ADCY2: variants seen among roughly 807,000 people sequenced by gnomAD.
ADCY2 encodes adenylate cyclase 2.
A neutral mutation model predicts 125.2 loss-of-function variants in ADCY2; 31 were observed. That is an observed-to-expected ratio of 0.25 (90% confidence interval 0.19 to 0.33). The LOEUF is 0.33. Among genes scored for constraint, ADCY2 ranks in the 10% least tolerant of loss-of-function variants. The pLI is 1.00. For missense variants in ADCY2, 904 were observed against 1,418.2 expected, an observed-to-expected ratio of 0.64 and a Z score of 5.82; for synonymous variants, 512 against 548.4, an observed-to-expected ratio of 0.93 and a Z score of 0.93.
chr5:7,544,503 C>T (rs76604304), intron 3 of ADCY2, among the ~76,000 whole-genome samples: 127 of 152,280 alleles, frequency 8.3e-4, no homozygotes, highest in African/African-American at 2.9e-3. Flanking sequence ...CTCCATCTTA[C>T]GAGAACCCCT....
chr5:7,485,761 A>G (rs1313375028), intron 2 of ADCY2, among the ~76,000 whole-genome samples: 1 of 152,216 alleles, frequency 6.6e-6, no homozygotes, highest in African/African-American at 2.4e-5. Context: ...ATAAACTATG[A>G]TATAAAGTTT....
chr5:7,807,936 C>T (rs1308680527), intron 22 of ADCY2, among the ~76,000 whole-genome samples: 2 of 152,188 alleles, frequency 1.3e-5, no homozygotes, highest in Admixed American at 6.5e-5. Context: ...GTAGCAGCAC[C>T]ACCTGTGGTG....
intron 3 of ADCY2, among the ~76,000 whole-genome samples, chr5:7,617,585 C>T (rs535116660): frequency 2.6e-5 from 4 of 152,306 alleles, no homozygotes; most frequent in East Asian, 1.9e-4. Context: ...AAAGCAGCTG[C>T]AGTCTTGTCC....
At chr5:7,405,720 G>T (rs1422925588) in intron 1 of ADCY2, among the ~76,000 whole-genome samples, 1 of 152,212 alleles carries the variant, frequency 6.6e-6, no homozygotes, top group Non-Finnish European at 1.5e-5. Flanking sequence ...TTACACATGG[G>T]CATGATACAG....
At chr5:7,754,847 A>C (rs1742937504) in intron 15 of ADCY2, among the ~76,000 whole-genome samples, 1 of 152,100 alleles carries the variant, frequency 6.6e-6, no homozygotes, top group Admixed American at 6.5e-5. Flanking sequence ...GTGAGAGAGC[A>C]AGACTCCGTC....
At chr5:7,613,671 C>T (rs1223912712) in intron 3 of ADCY2, among the ~76,000 whole-genome samples, 1 of 152,234 alleles carries the variant, frequency 6.6e-6, no homozygotes. Context: ...ATTGAACTCA[C>T]TTTCCAGCTC....
chr5:7,784,774 A>G (rs1209850923), intron 19 of ADCY2, among the ~76,000 whole-genome samples: 13 of 104,492 alleles, frequency 1.2e-4, no homozygotes, highest in East Asian at 1.4e-3. Context: ...ACACTATTTG[A>G]AAAAAAAAAA....
chr5:7,720,697 T>G (rs1230253179), intron 12 of ADCY2, among the ~76,000 whole-genome samples: 1 of 152,212 alleles, frequency 6.6e-6, no homozygotes, highest in Non-Finnish European at 1.5e-5. Context: ...ATTTCCAGCT[T>G]CATCCATGTC....
intron 11 of ADCY2, among the ~76,000 whole-genome samples, chr5:7,716,727 C>T (rs1741603579): frequency 1.3e-5 from 2 of 152,204 alleles, no homozygotes; most frequent in Admixed American, 1.3e-4. Context: ...TTGGCATGTT[C>T]TCACTCATAT....
chr5:7,444,147 T>A (rs1201229508), intron 2 of ADCY2, among the ~76,000 whole-genome samples: 1 of 145,114 alleles, frequency 6.9e-6, no homozygotes, highest in African/African-American at 2.5e-5. Context: ...GGAGTCTCGC[T>A]CTGTCTCCCC....
At chr5:7,443,251 T>G (rs978996883) in intron 2 of ADCY2, among the ~76,000 whole-genome samples, 4 of 152,200 alleles carry the variant, frequency 2.6e-5, no homozygotes, top group African/African-American at 9.7e-5. Context: ...ATTTCTTATT[T>G]AAATTTAAAA....
intron 23 of ADCY2, among the ~76,000 whole-genome samples, chr5:7,817,773 T>A (rs368516460): frequency 2.4e-5 from 3 of 122,536 alleles, no homozygotes; most frequent in South Asian, 2.6e-4. Context: ...CAGCAAGCCA[T>A]AATAGTGCCA....
At chr5:7,519,436 T>C (rs1014585412) in intron 2 of ADCY2, among the ~76,000 whole-genome samples, 2 of 152,112 alleles carry the variant, frequency 1.3e-5, no homozygotes, top group Non-Finnish European at 2.9e-5. Context: ...TTTCCTTAGC[T>C]TCCCTTCTGC....
In ADCY2 at chr5:7,802,730, CTT is replaced by C. The variant is rs1744636630; in HGVS notation, c.2775+367_2775+368del. ...TAGACTATTGGTGTGTCTGTGCCTA[CTT>C]CAATGCCTTTGTCAGATATCAACTT... On this transcript the variant is annotated intron_variant, in intron 21 of 24. Transcript: ENST00000338316. This position sits in a 1 kb window ranked among gnomAD's most constrained non-coding sequence, Gnocchi z 4.6. Among the ~76,000 whole-genome samples, 2 of 152,192 alleles carry C rather than the reference CTT, an allele frequency of 1.3e-5. No individual in the cohort carries two copies. Among genetic ancestry groups the C allele is most frequent in the Non-Finnish European group, 2.9e-5 (2 of 68,036 alleles).
chr5:7,793,399 C>T lies in ADCY2; in HGVS notation c.2628+3599C>T, dbSNP rs978577218. Among the ~76,000 whole-genome samples the T allele has an allele frequency of 2.6e-5, 4 of 152,272 alleles. No individual in the cohort carries two copies. In the South Asian group the frequency reaches 6.2e-4, roughly 24 times the overall value. ...CCAGGAGGCAGAAATTGCAGCGAGC[C>T]GAGATCGTGCCTTTGCACTCCAGCA... On this transcript the variant is annotated intron_variant, in intron 20 of 24. Coordinates refer to ENST00000338316, the MANE Select transcript of ADCY2 (RefSeq NM_020546.3).
intron 3 of ADCY2, among the ~76,000 whole-genome samples, chr5:7,586,146 T>A (rs1736617156): frequency 6.6e-6 from 1 of 152,248 alleles, no homozygotes; most frequent in Non-Finnish European, 1.5e-5. Flanking sequence ...CCCTGTATCA[T>A]GACTGGTAGG....
chr5:7,406,761 T>C (rs1244290134), intron 1 of ADCY2, among the ~76,000 whole-genome samples: 2 of 152,204 alleles, frequency 1.3e-5, no homozygotes, highest in Non-Finnish European at 2.9e-5. Flanking sequence ...CATCCATAGT[T>C]CAGGTTAGTT....
intron 2 of ADCY2, among the ~76,000 whole-genome samples, chr5:7,438,352 C>T (rs1740885664): frequency 6.6e-6 from 1 of 152,224 alleles, no homozygotes; most frequent in African/African-American, 2.4e-5. Flanking sequence ...GGAGCTTACA[C>T]TCTACCAGGA....
intron 2 of ADCY2, among the ~76,000 whole-genome samples, chr5:7,473,991 C>G (rs569284256): frequency 1.3e-5 from 2 of 152,202 alleles, no homozygotes; most frequent in African/African-American, 4.8e-5. Flanking sequence ...ACAAATGAGT[C>G]AGTATTCATG....
Sources: gnomAD v4.1 joint callset for allele counts (sites outside exome capture counted in the v4.1 genomes callset) on GRCh38, gnomAD v4.1.1 for gene constraint, Gnocchi (gnomAD v3.1) non-coding constraint, MANE v1.5 for transcripts, NCBI Gene and HGNC (gene_info 2026-07-23, HGNC 2026-07-21) for gene names.